Variants in SLC39A11 observed in about 807,000 individuals in gnomAD.
SLC39A11 encodes the protein solute carrier family 39 member 11, also known as zinc transporter ZIP11.
SLC39A11 carries 33 observed loss-of-function variants against 36.1 expected under a neutral mutation model. The ratio of observed to expected loss-of-function variants is 0.91; its 90% CI spans 0.69 to 1.22. The LOEUF is 1.22. Among genes scored for constraint, SLC39A11 ranks in the 50% most tolerant of loss-of-function variants. The pLI is 0.00. For synonymous variants in SLC39A11, 166 were observed against 170.3 expected (o/e 0.97, Z 0.20); for missense variants, 432 against 430.3 (o/e 1.00, Z -0.03).
chr17:72,876,637 T>C lies in SLC39A11; in HGVS notation c.431-26833A>G, dbSNP rs182228428. Among the ~76,000 whole-genome samples the C allele has an allele frequency of 8.5e-5, 13 of 152,272 alleles. No homozygotes were observed. The East Asian group carries it at 2.5e-3, about 29-fold the overall frequency. ...CACTGCATCTGGACAATGAAACCCC[T>C]CACCTGTCATGATCACCTAACTGAT... On this transcript the variant is annotated intron_variant, in intron 5 of 9. Transcript: ENST00000255559.
At chr17:72,935,858 C>T (rs765328618) in intron 5 of SLC39A11, among the ~76,000 whole-genome samples, 2 of 151,608 alleles carry the variant, frequency 1.3e-5, no homozygotes, top group Non-Finnish European at 2.9e-5. Flanking sequence ...GCTGGGATTA[C>T]AGGCATGAGC....
At chr17:73,063,152 C>T (rs1047878792) in intron 3 of SLC39A11, among the ~76,000 whole-genome samples, 8 of 152,188 alleles carry the variant, frequency 5.3e-5, no homozygotes, top group Non-Finnish European at 8.8e-5. Flanking sequence ...AAGGTACTAG[C>T]ATTGTCTCTA....
intron 5 of SLC39A11, among the ~76,000 whole-genome samples, chr17:72,871,549 T>C (rs150451168): frequency 1.5e-4 from 23 of 152,206 alleles, no homozygotes; most frequent in Non-Finnish European, 2.5e-4. Flanking sequence ...TTGATCACCA[T>C]TGGCCAATGA....
chr17:73,043,157 G>A (rs1239663757), intron 3 of SLC39A11, among the ~76,000 whole-genome samples: 1 of 152,188 alleles, frequency 6.6e-6, no homozygotes, highest in Non-Finnish European at 1.5e-5. Flanking sequence ...AGAACAGGGA[G>A]GGGCTCTGGA....
intron 7 of SLC39A11, among the ~76,000 whole-genome samples, chr17:72,685,148 G>T (rs1454333270): frequency 2.1e-5 from 3 of 144,624 alleles, no homozygotes; most frequent in African/African-American, 7.3e-5. Context: ...GGACACAGGG[G>T]TGAATGAGAC....
At chr17:72,909,202 T>C (rs1054972635) in intron 5 of SLC39A11, among the ~76,000 whole-genome samples, 5 of 152,198 alleles carry the variant, frequency 3.3e-5, no homozygotes, top group Non-Finnish European at 7.3e-5. Context: ...CCTCCTGGGC[T>C]CAAGCGATCC....
intron 6 of SLC39A11, among the ~76,000 whole-genome samples, chr17:72,780,651 A>G (rs1196537295): frequency 6.6e-6 from 1 of 151,366 alleles, no homozygotes; most frequent in Non-Finnish European, 1.5e-5. Flanking sequence ...TTTGCTCTCC[A>G]CTCTCTATTA....
At chr17:72,710,106 G>A (rs1567970974) in intron 7 of SLC39A11, among the ~76,000 whole-genome samples, 3 of 152,118 alleles carry the variant, frequency 2.0e-5, no homozygotes, top group East Asian at 1.9e-4. Context: ...TTCCCTCTTC[G>A]TCCTTTGCTT....
At chr17:73,047,690 G>A (rs2059341509) in intron 3 of SLC39A11, among the ~76,000 whole-genome samples, 1 of 151,814 alleles carries the variant, frequency 6.6e-6, no homozygotes, top group Non-Finnish European at 1.5e-5. Flanking sequence ...TAAATAGGCT[G>A]GGCGAGGTAG....
Position 72,647,277 on chromosome 17 carries a change from G to C in SLC39A11, c.*307C>G, listed in dbSNP as rs79756729. 5,985 of 223,680 alleles carry C rather than the reference G, an allele frequency of 0.027. 111 individuals are homozygous for C. Among genetic ancestry groups the C allele is most frequent in the Non-Finnish European group, 0.035 (3,911 of 112,888 alleles). The allele number at this position is 223,680 out of a possible 1,614,324, so 13.9% of individuals were successfully genotyped here. On this transcript the variant is annotated 3_prime_UTR_variant, in exon 10 of 10. Transcript: ENST00000255559. Reference sequence around the variant, plus strand: ...TTGAGGAGTTGGGAGGCAGATAGAAGGTCCCGAAGTGGAGATTTCCCTGAT... The same window carrying C: ...TTGAGGAGTTGGGAGGCAGATAGAACGTCCCGAAGTGGAGATTTCCCTGAT...
chr17:72,833,753 C>T (rs1315886930), intron 6 of SLC39A11, among the ~76,000 whole-genome samples: 1 of 152,106 alleles, frequency 6.6e-6, no homozygotes, highest in Non-Finnish European at 1.5e-5. Context: ...TATTTCAGCC[C>T]TTGTGCAGCT....
intron 4 of SLC39A11, among the ~76,000 whole-genome samples, chr17:72,972,837 G>T (rs189177933): frequency 6.6e-6 from 1 of 152,274 alleles, no homozygotes; most frequent in East Asian, 1.9e-4. Context: ...CTCCTGTCCT[G>T]ACCTTCCCTG....
chr17:72,711,568 G>C (rs1029551820), intron 7 of SLC39A11, among the ~76,000 whole-genome samples: 1 of 152,204 alleles, frequency 6.6e-6, no homozygotes, highest in African/African-American at 2.4e-5. Context: ...TTTGGATTCT[G>C]TTACAAAGAG....
chr17:72,952,717 T>C (rs1301236374), intron 4 of SLC39A11, among the ~76,000 whole-genome samples: 1 of 152,238 alleles, frequency 6.6e-6, no homozygotes, highest in African/African-American at 2.4e-5. Flanking sequence ...TTTCTATCCA[T>C]ATTACCTCAC....
At chr17:72,922,250 C>T (rs1009468259) in intron 5 of SLC39A11, among the ~76,000 whole-genome samples, 1 of 152,212 alleles carries the variant, frequency 6.6e-6, no homozygotes, top group Admixed American at 6.5e-5. Flanking sequence ...TTCCAAATCT[C>T]CCGAAGACAG....
At chr17:73,034,889 T>C (rs774489046) in intron 3 of SLC39A11, among the ~76,000 whole-genome samples, 12 of 152,138 alleles carry the variant, frequency 7.9e-5, no homozygotes, top group Non-Finnish European at 1.3e-4. Flanking sequence ...GGAGGGTGTG[T>C]TGGAATTTGG....
chr17:73,004,166 A>G lies in SLC39A11; in HGVS notation c.306+27390T>C, dbSNP rs370958798. Among the ~76,000 whole-genome samples, 226 of 47,246 alleles carry G rather than the reference A, an allele frequency of 4.8e-3. 2 individuals carry two copies. The highest frequency in any genetic ancestry group is 0.014 in the Middle Eastern group (2 of 144). The allele number at this position is 47,246 out of a possible 152,430, so 31.0% of individuals were successfully genotyped here. A position where few individuals can be genotyped will look rare whatever the true frequency, so the allele number is the denominator to read the frequency against. ...AAGAAAGAAAGAAAGAAGGAAAAAA[A>G]GAAAGAAAGAAAGAAAGAAAGAAAG... On this transcript the variant is annotated intron_variant, in intron 4 of 9. Transcript: ENST00000255559.
intron 4 of SLC39A11, among the ~76,000 whole-genome samples, chr17:72,956,244 A>G (rs2086242942): frequency 6.6e-6 from 1 of 152,220 alleles, no homozygotes. Context: ...CATTACTCAA[A>G]CTATCTTGTG....
chr17:72,740,491 G>A (rs11655223), intron 6 of SLC39A11, among the ~76,000 whole-genome samples: 1 of 152,186 alleles, frequency 6.6e-6, no homozygotes, highest in Non-Finnish European at 1.5e-5. Flanking sequence ...TGAAATGGTA[G>A]GCACCCACAG....
Sources: allele counts gnomAD v4.1 joint callset (sites outside exome capture counted in the v4.1 genomes callset), GRCh38; gene constraint gnomAD v4.1.1; transcripts MANE v1.5; gene names NCBI Gene and HGNC (gene_info 2026-07-23, HGNC 2026-07-21).